The following CERKL variants were observed in gnomAD, a reference collection of about 807,000 sequenced individuals.
CERKL encodes CERK like autophagy regulator.
In CERKL, 61 loss-of-function variants were observed where a neutral mutation model predicts 63.4. The ratio of observed to expected loss-of-function variants is 0.96; its 90% CI spans 0.78 to 1.19. The LOEUF (loss-of-function observed/expected upper bound fraction) is 1.19, where lower values mean the gene tolerates loss of function less well. Ranked by LOEUF, CERKL falls within the 50% of genes most tolerant of loss-of-function variation. The probability of loss-of-function intolerance (pLI) is 0.00; values close to 1 mark genes in which losing one functional copy is unlikely to be tolerated. For synonymous variants in CERKL, 250 were observed against 230.5 expected (o/e 1.08, Z -0.77); for missense variants, 675 against 655.5 (o/e 1.03, Z -0.33).
At chr2:181,594,555 A>G (rs1171388032) in intron 2 of CERKL, among the ~76,000 whole-genome samples, 3 of 152,234 alleles carry the variant, frequency 2.0e-5, no homozygotes, top group African/African-American at 7.2e-5. Flanking sequence ...ATCAGATGCT[A>G]TGAAGGGCCC....
In CERKL at chr2:181,613,801, C is replaced by G. The variant is rs183785697; in HGVS notation, c.239-9722G>C. 1.2e-4 allele frequency among the ~76,000 whole-genome samples: 19 copies of G among 152,220 alleles called. No individual in the cohort carries two copies. The East Asian group carries it at 3.5e-3, about 28-fold the overall frequency. ...AAATCTGATCTATTACTCATTTTGG[C>G]AATATTAACCATTTATGCTACATGA... is the stretch of plus-strand genomic sequence containing the variant. On this transcript the variant is annotated intron_variant, in intron 1 of 12. Coordinates refer to ENST00000410087, the MANE Select transcript of CERKL (RefSeq NM_201548.5).
intron 1 of CERKL, among the ~76,000 whole-genome samples, chr2:181,617,627 T>C (rs6719942): frequency 0.18 from 27,045 of 152,122 alleles, 3,797 homozygotes; most frequent in African/African-American, 0.39. Context: ...ATAAAAATTA[T>C]CAACATTTAG....
At chr2:181,553,589 A>AT (rs1688082478) in intron 5 of CERKL, among the ~76,000 whole-genome samples, 3 of 152,184 alleles carry the variant, frequency 2.0e-5, no homozygotes, top group African/African-American at 2.4e-5. Context: ...CAAGTACAAA[A>AT]TTTTTTTAGA....
intron 1 of CERKL, among the ~76,000 whole-genome samples, chr2:181,610,421 G>A (rs1018053222): frequency 1.3e-5 from 2 of 152,124 alleles, no homozygotes; most frequent in Non-Finnish European, 2.9e-5. Flanking sequence ...AACAAGTTGG[G>A]AATATGTATC....
At chr2:181,565,375 C>G (rs1157400360) in intron 4 of CERKL, 2 of 1,244,406 alleles carry the variant, frequency 1.6e-6, no homozygotes, top group African/African-American at 3.0e-5. Context: ...CAGTCCAACA[C>G]TTTAGCAAAT....
intron 1 of CERKL, 78 bp from the exon 2 acceptor site, chr2:181,604,157 G>C (rs1685579538): frequency 1.6e-6 from 2 of 1,214,698 alleles, no homozygotes; most frequent in African/African-American, 3.2e-5. Flanking sequence ...GCTTACCAGA[G>C]GGTAGAAAGT....
chr2:181,613,381 T>C (rs1415007065), intron 1 of CERKL, among the ~76,000 whole-genome samples: 1 of 152,190 alleles, frequency 6.6e-6, no homozygotes, highest in Admixed American at 6.5e-5. Flanking sequence ...TGGGGCTGCC[T>C]TCAAGGAGAT....
chr2:181,567,948 T>C (rs1474259507), intron 3 of CERKL, among the ~76,000 whole-genome samples: 1 of 152,140 alleles, frequency 6.6e-6, no homozygotes, highest in Non-Finnish European at 1.5e-5. Context: ...TTTCAAAAAA[T>C]GTAACCCAGC....
chr2:181,630,090 G>A (rs1014044515), intron 1 of CERKL, among the ~76,000 whole-genome samples: 7 of 151,718 alleles, frequency 4.6e-5, no homozygotes, highest in African/African-American at 1.5e-4. Flanking sequence ...GAAGTGAAGT[G>A]GTGTGATCTC....
At chr2:181,592,138 C>A (rs1208195665) in intron 2 of CERKL, among the ~76,000 whole-genome samples, 1 of 152,130 alleles carries the variant, frequency 6.6e-6, no homozygotes, top group Non-Finnish European at 1.5e-5. Flanking sequence ...TACACCTTCT[C>A]CTTTATTTCA....
intron 4 of CERKL, among the ~76,000 whole-genome samples, chr2:181,563,303 A>G (rs369981512): frequency 1.4e-4 from 22 of 152,274 alleles, no homozygotes; most frequent in African/African-American, 5.1e-4. Flanking sequence ...AAATGTCACA[A>G]GATGTCTCAT....
At chr2:181,568,986 C>A (rs1302008664) in intron 3 of CERKL, among the ~76,000 whole-genome samples, 5 of 152,040 alleles carry the variant, frequency 3.3e-5, no homozygotes, top group African/African-American at 1.2e-4. Context: ...TGGTCCCAAG[C>A]CTTTCAGATA....
intron 2 of CERKL, among the ~76,000 whole-genome samples, chr2:181,602,705 T>G: frequency 6.6e-6 from 1 of 152,208 alleles, no homozygotes; most frequent in East Asian, 1.9e-4. Flanking sequence ...TCTTCATCAA[T>G]GATGCTGGAA....
At chr2:181,625,723 C>T (rs16867463) in intron 1 of CERKL, among the ~76,000 whole-genome samples, 3,364 of 152,184 alleles carry the variant, frequency 0.022, 157 homozygotes, top group East Asian at 0.16. Context: ...TTGAGCCTGA[C>T]GGGTCATTCC....
chr2:181,631,327 A>C (rs1305077820), intron 1 of CERKL, among the ~76,000 whole-genome samples: 1 of 152,204 alleles, frequency 6.6e-6, no homozygotes, highest in Non-Finnish European at 1.5e-5. Flanking sequence ...AGCTTCTCAG[A>C]GCTTCCAAAC....
chr2:181,632,612 C>T (rs1035906336), intron 1 of CERKL, among the ~76,000 whole-genome samples: 2 of 152,178 alleles, frequency 1.3e-5, no homozygotes, highest in African/African-American at 2.4e-5. Context: ...ATAGGCAAAA[C>T]TTACTGTACT....
chr2:181,549,823 A>AT (rs1349007080), intron 5 of CERKL, 115 bp from the exon 6 acceptor site: 5 of 767,008 alleles, frequency 6.5e-6, no homozygotes, highest in Non-Finnish European at 9.4e-6. Context: ...ATAAACGAGA[A>AT]TTTATAAAAT....
At chr2:181,598,959 C>T (rs1229135171) in intron 2 of CERKL, among the ~76,000 whole-genome samples, 1 of 152,016 alleles carries the variant, frequency 6.6e-6, no homozygotes, top group Non-Finnish European at 1.5e-5. Context: ...AAGGAATCTG[C>T]CCAAGAACTC....
At position 181,605,128 on chromosome 2, in the gene CERKL, C is replaced by T. The variant is rs758309636; in HGVS notation, c.239-1049G>A. On this transcript the variant is annotated intron_variant, in intron 1 of 12. Coordinates refer to ENST00000410087, the MANE Select transcript of CERKL (RefSeq NM_201548.5). ...ATCAGGTAACACAGGACAGTGAAGC[C>T]GAAGAGGAGGAAAACAAAGTGGACC... Among the ~76,000 whole-genome samples the T allele has an allele frequency of 3.9e-5, 6 of 152,060 alleles. No individual in the cohort carries two copies. In the East Asian group the frequency reaches 5.8e-4, roughly 15 times the overall value.
Sources: gnomAD v4.1 joint callset for allele counts (sites outside exome capture counted in the v4.1 genomes callset) on GRCh38, gnomAD v4.1.1 for gene constraint, MANE v1.5 for transcripts, NCBI Gene and HGNC (gene_info 2026-07-23, HGNC 2026-07-21) for gene names.